EYS: variants seen among roughly 807,000 people sequenced by gnomAD.
The protein encoded by EYS is protein eyes shut homolog.
A neutral mutation model predicts 282.1 loss-of-function variants in EYS; 250 were observed. The observed-to-expected ratio is 0.89, with a 90% confidence interval of 0.80 to 0.98. The LOEUF (loss-of-function observed/expected upper bound fraction) is 0.98. Ranked by LOEUF, EYS falls within the 50% of genes least tolerant of loss-of-function variation. EYS has a pLI of 0.00. For synonymous variants in EYS, 1,355 were observed against 1,282.9 expected (o/e 1.06, Z -1.20); for missense variants, 4,016 against 3,709.0 (o/e 1.08, Z -2.15).
chr6:64,478,735 T>G (rs1776350986), intron 26 of EYS, among the ~76,000 whole-genome samples: 1 of 151,110 alleles, frequency 6.6e-6, no homozygotes, highest in African/African-American at 2.4e-5. Flanking sequence ...AACTATGGCC[T>G]TGAGAATATA....
At chr6:64,372,146 T>G (rs867327572) in intron 29 of EYS, among the ~76,000 whole-genome samples, 1,809 of 143,034 alleles carry the variant, frequency 0.013, 15 homozygotes, top group Non-Finnish European at 0.019. Context: ...TTTTTTTTTT[T>G]TTTTTTTTTT....
At chr6:64,256,523 A>G (rs1767406624) in intron 30 of EYS, among the ~76,000 whole-genome samples, 1 of 152,020 alleles carries the variant, frequency 6.6e-6, no homozygotes, top group African/African-American at 2.4e-5. Context: ...ATTGTCTTTC[A>G]ACACTACCAG....
chr6:64,437,343 A>G (rs1343106175), intron 27 of EYS, among the ~76,000 whole-genome samples: 2 of 151,672 alleles, frequency 1.3e-5, no homozygotes, highest in African/African-American at 4.8e-5. Context: ...CATAAAACTA[A>G]CTAGTGAATA....
chr6:64,241,564 G>T (rs1244442277), intron 30 of EYS, among the ~76,000 whole-genome samples: 1 of 151,510 alleles, frequency 6.6e-6, no homozygotes, highest in Non-Finnish European at 1.5e-5. Context: ...GGTCAGTGTT[G>T]TTGTCTCCTT....
intron 13 of EYS, among the ~76,000 whole-genome samples, chr6:65,014,334 T>C (rs959022108): frequency 1.3e-5 from 2 of 152,222 alleles, no homozygotes; most frequent in African/African-American, 2.4e-5. Context: ...TCACAGATTT[T>C]TGACTTGCAG....
intron 12 of EYS, among the ~76,000 whole-genome samples, chr6:65,144,073 C>T (rs925860575): frequency 6.6e-6 from 1 of 152,044 alleles, no homozygotes; most frequent in African/African-American, 2.4e-5. Flanking sequence ...GAAGTTGTGT[C>T]TTATCTAAGG....
At chr6:65,214,678 A>G (rs560102804) in intron 12 of EYS, among the ~76,000 whole-genome samples, 1 of 152,236 alleles carries the variant, frequency 6.6e-6, no homozygotes, top group Non-Finnish European at 1.5e-5. Context: ...TTATATTGGA[A>G]AAAGACATCA....
chr6:64,673,868 C>A (rs1036547932), intron 22 of EYS, among the ~76,000 whole-genome samples: 4 of 151,988 alleles, frequency 2.6e-5, no homozygotes, highest in Non-Finnish European at 5.9e-5. Flanking sequence ...GAAACCTGTA[C>A]TTTGCACTAT....
chr6:65,015,659 A>T (rs1380925743), intron 13 of EYS, among the ~76,000 whole-genome samples: 1 of 152,114 alleles, frequency 6.6e-6, no homozygotes, highest in Non-Finnish European at 1.5e-5. Flanking sequence ...CATATTTGGT[A>T]GGAAAAATTA....
chr6:65,279,633 G>A (rs549346637), intron 12 of EYS, among the ~76,000 whole-genome samples: 2 of 152,022 alleles, frequency 1.3e-5, no homozygotes, highest in African/African-American at 4.8e-5. Flanking sequence ...ATAATATTCT[G>A]TTGGGTGAAT....
At chr6:64,989,173 A>G (rs909372574) in intron 14 of EYS, among the ~76,000 whole-genome samples, 1 of 150,866 alleles carries the variant, frequency 6.6e-6, no homozygotes, top group South Asian at 2.1e-4. Context: ...ACTGAGGCTT[A>G]GAAACGTTAA....
intron 30 of EYS, among the ~76,000 whole-genome samples, chr6:64,289,506 T>C (rs959341561): frequency 1.3e-5 from 2 of 152,048 alleles, no homozygotes; most frequent in African/African-American, 4.8e-5. Context: ...CCCAAATACT[T>C]GAACGGTATT....
chr6:64,566,095 ATC>A (rs1765560230), intron 26 of EYS, among the ~76,000 whole-genome samples: 1 of 152,104 alleles, frequency 6.6e-6, no homozygotes, highest in African/African-American at 2.4e-5. Context: ...AAAAATTTTT[ATC>A]TCTTTTCAAG....
chr6:63,771,124 G>A (rs1769918044), intron 40 of EYS, among the ~76,000 whole-genome samples: 1 of 152,138 alleles, frequency 6.6e-6, no homozygotes, highest in Non-Finnish European at 1.5e-5. Flanking sequence ...TTCCTATTAA[G>A]GAGAGAACTG....
At chr6:64,024,048 C>T (rs1313969782) in intron 33 of EYS, among the ~76,000 whole-genome samples, 1 of 152,200 alleles carries the variant, frequency 6.6e-6, no homozygotes, top group Admixed American at 6.5e-5. Context: ...GCTGCCCGAG[C>T]CTCCCCGATG....
At chr6:64,940,708 T>A (rs989741687) in intron 15 of EYS, among the ~76,000 whole-genome samples, 9 of 152,060 alleles carry the variant, frequency 5.9e-5, no homozygotes, top group Admixed American at 5.3e-4. Context: ...TTTATCTTTT[T>A]TTTGTCACAT....
chr6:64,457,569 A>G (rs1775595410), intron 26 of EYS, among the ~76,000 whole-genome samples: 1 of 151,954 alleles, frequency 6.6e-6, no homozygotes, highest in Non-Finnish European at 1.5e-5. Context: ...ATATTGTTAT[A>G]TCCTCTTGTT....
chr6:64,068,685 G>T (rs1369312634), intron 32 of EYS, among the ~76,000 whole-genome samples: 2 of 151,686 alleles, frequency 1.3e-5, no homozygotes, highest in African/African-American at 4.8e-5. Flanking sequence ...AGAATTATTT[G>T]CCTTCCCCAA....
At chr6:64,942,466 C>T (rs920870261) in intron 15 of EYS, among the ~76,000 whole-genome samples, 2 of 142,506 alleles carry the variant, frequency 1.4e-5, no homozygotes, top group South Asian at 2.3e-4. Flanking sequence ...ATTGATAAAC[C>T]ACTGTCTACA....
Sources: allele counts gnomAD v4.1 joint callset (sites outside exome capture counted in the v4.1 genomes callset), GRCh38; gene constraint gnomAD v4.1.1; transcripts MANE v1.5; gene names NCBI Gene and HGNC (gene_info 2026-07-23, HGNC 2026-07-21).